MCTP1: variants seen among roughly 807,000 people sequenced by gnomAD.
The protein encoded by MCTP1 is multiple C2 and transmembrane domain-containing protein 1.
MCTP1 carries 69 observed loss-of-function variants against 120.6 expected under a neutral mutation model. That is an observed-to-expected ratio of 0.57 (90% CI 0.47 to 0.70). The LOEUF is 0.70. MCTP1 is among the 30% of genes least tolerant of loss of function. The pLI, the probability that MCTP1 is intolerant of heterozygous loss-of-function variation, is 0.00. For synonymous variants in MCTP1, 529 were observed against 493.1 expected, an observed-to-expected ratio of 1.07 and a Z score of -0.96; for missense variants, 1,203 against 1,248.8, an observed-to-expected ratio of 0.96 and a Z score of 0.55.
chr5:95,155,559 T>C lies in MCTP1; in HGVS notation c.720+128297A>G, dbSNP rs536211062. ...ACCTAATCCTTAAAAATGTTCCATT[T>C]TGAGCACCAAAATGAAGTCTGTAAC... On this transcript the variant is annotated intron_variant, in intron 1 of 22. Transcript: ENST00000515393. Among the ~76,000 whole-genome samples, 11 of 152,300 alleles carry C rather than the reference T, an allele frequency of 7.2e-5. No individual in the cohort carries two copies. The East Asian group carries it at 2.1e-3, about 29-fold the overall frequency.
intron 1 of MCTP1, among the ~76,000 whole-genome samples, chr5:95,087,461 A>G (rs1022215918): frequency 2.6e-5 from 4 of 152,180 alleles, no homozygotes; most frequent in Non-Finnish European, 4.4e-5. Flanking sequence ...CTTCCTTTAA[A>G]GGAGACAGTC....
chr5:94,913,279 C>T (rs1258638223), intron 8 of MCTP1, among the ~76,000 whole-genome samples: 1 of 151,934 alleles, frequency 6.6e-6, no homozygotes, highest in Non-Finnish European at 1.5e-5. Context: ...TGCATGTGTG[C>T]CAAATAGGCT....
Position 94,954,051 on chromosome 5 carries a change from T to G in MCTP1, c.839-690A>C, listed in dbSNP as rs559904386. Among the ~76,000 whole-genome samples the G allele has an allele frequency of 3.1e-5, 3 of 97,372 alleles. 1 individual carries two copies. In the East Asian group the frequency reaches 7.2e-4, roughly 23 times the overall value. The allele number at this position is 97,372 out of a possible 152,430, so 63.9% of individuals were successfully genotyped here. On this transcript the variant is annotated intron_variant, in intron 2 of 22. Transcript: ENST00000515393. ...ATATATACAAATATATATATGCATA[T>G]ATATACAAATATATATGCATATATA... is the stretch of plus-strand genomic sequence containing the variant.
intron 19 of MCTP1, among the ~76,000 whole-genome samples, chr5:94,723,909 GAA>G (rs1435461020): frequency 6.6e-6 from 1 of 151,816 alleles, no homozygotes; most frequent in Non-Finnish European, 1.5e-5. Context: ...AAAGAAGGAA[GAA>G]AAGAGAGAGA....
intron 2 of MCTP1, among the ~76,000 whole-genome samples, chr5:94,954,190 A>AT (rs1821947663): frequency 7.5e-6 from 1 of 134,082 alleles, no homozygotes; most frequent in Admixed American, 7.8e-5. Context: ...ATGCATATAT[A>AT]TATATATATA....
chr5:95,017,081 C>T (rs991455114), intron 2 of MCTP1, among the ~76,000 whole-genome samples: 5 of 152,044 alleles, frequency 3.3e-5, no homozygotes, highest in Non-Finnish European at 7.4e-5. Context: ...ACTTATGTAA[C>T]CAATTATGTC....
At chr5:94,887,928 T>A (rs1369657888) in intron 12 of MCTP1, among the ~76,000 whole-genome samples, 1 of 152,220 alleles carries the variant, frequency 6.6e-6, no homozygotes, top group Non-Finnish European at 1.5e-5. Flanking sequence ...TGATTTCAGG[T>A]CCTTGGATGG....
rs535672460 is a variant in MCTP1 at position 95,194,398 on chromosome 5, G to C, written c.720+89458C>G. Reference sequence around the variant, plus strand: ...ACTGCGTGGAAAAATTACCTGCCATGGTGAACGGGAAACTGAAACTGTATG... The same window carrying C: ...ACTGCGTGGAAAAATTACCTGCCATCGTGAACGGGAAACTGAAACTGTATG... On this transcript the variant is annotated intron_variant, in intron 1 of 22. Coordinates refer to ENST00000515393, the MANE Select transcript of MCTP1 (RefSeq NM_024717.7). Among the ~76,000 whole-genome samples the C allele has an allele frequency of 5.7e-4, 87 of 152,220 alleles. 2 individuals are homozygous for C. Among genetic ancestry groups the C allele is most frequent in the Admixed American group, 5.2e-4 (8 of 15,292 alleles).
At chr5:95,050,842 C>T (rs541903204) in intron 1 of MCTP1, among the ~76,000 whole-genome samples, 15 of 152,062 alleles carry the variant, frequency 9.9e-5, no homozygotes, top group Middle Eastern at 3.4e-3. Flanking sequence ...TGAGGTCATC[C>T]TAGGGTAGGA....
chr5:94,797,012 C>T (rs376585147), intron 18 of MCTP1, among the ~76,000 whole-genome samples: 6 of 151,538 alleles, frequency 4.0e-5, no homozygotes, highest in South Asian at 4.2e-4. Flanking sequence ...AAAAGAGGAG[C>T]GTGTTAGAGG....
intron 1 of MCTP1, among the ~76,000 whole-genome samples, chr5:95,244,487 T>C (rs550953271): frequency 3.9e-5 from 6 of 152,330 alleles, no homozygotes; most frequent in African/African-American, 1.4e-4. Context: ...AATACTGCTC[T>C]TTTCCCATGG....
intron 16 of MCTP1, 75 bp from the exon 17 acceptor site, chr5:94,868,527 C>T (rs1299451992): frequency 9.5e-7 from 1 of 1,052,172 alleles, no homozygotes; most frequent in African/African-American, 1.6e-5. Flanking sequence ...ATTCTTCAAG[C>T]TTATTGTGAC....
intron 1 of MCTP1, among the ~76,000 whole-genome samples, chr5:95,077,015 T>C (rs1753741832): frequency 1.3e-5 from 2 of 152,218 alleles, no homozygotes; most frequent in African/African-American, 4.8e-5. Flanking sequence ...CAGAATTTCC[T>C]AACTCAAGCC....
Position 94,912,829 on chromosome 5 carries a change from C to G in MCTP1, c.1498G>C (p.Gly500Arg), listed in dbSNP as rs759335783. The G allele has an allele frequency of 8.2e-6, 13 of 1,577,438 alleles. No individual in the cohort carries two copies. Among genetic ancestry groups the G allele is most frequent in the Non-Finnish European group, 1.1e-5 (13 of 1,163,346 alleles). ...LSDPYVKFRL[G>R]HQKYKSKIMP... ...ACCTTGCTCTTGTACTTCTGATGCC[C>G]AAGCCGGAACTTCACGTAGGGATCG... The change falls in exon 9 of 23, where the codon GGG becomes CGG. Residue 500 changes from glycine to arginine, a missense_variant. Physicochemically the swap from Gly to Arg is moderately radical, Grantham distance 125. Around this residue, in one of 2 missense-constraint regions of MCTP1, gnomAD observed 740 missense variants for 871.1 expected, o/e 0.85. Coordinates refer to ENST00000515393, the MANE Select transcript of MCTP1 (RefSeq NM_024717.7).
intron 18 of MCTP1, among the ~76,000 whole-genome samples, chr5:94,780,176 C>T (rs1014116939): frequency 6.6e-6 from 1 of 151,484 alleles, no homozygotes; most frequent in African/African-American, 2.4e-5. Context: ...TCTGAATAGA[C>T]TCAACAGAAT....
chr5:95,243,430 C>T (rs546615916), intron 1 of MCTP1, among the ~76,000 whole-genome samples: 6 of 152,208 alleles, frequency 3.9e-5, no homozygotes, highest in African/African-American at 7.2e-5. Context: ...AGAGTCATCA[C>T]GGAACCTGGG....
At chr5:95,119,183 C>T (rs768904986) in intron 1 of MCTP1, among the ~76,000 whole-genome samples, 7 of 152,166 alleles carry the variant, frequency 4.6e-5, no homozygotes, top group African/African-American at 7.2e-5. Flanking sequence ...TAACATCAAG[C>T]ATCTTCCCCG....
At chr5:95,036,409 T>A (rs1031211905) in intron 1 of MCTP1, among the ~76,000 whole-genome samples, 1 of 152,198 alleles carries the variant, frequency 6.6e-6, no homozygotes, top group African/African-American at 2.4e-5. Flanking sequence ...TCTATGGATT[T>A]ACGTCTACAA....
At chr5:94,963,354 A>ATT (rs754461255) in intron 2 of MCTP1, among the ~76,000 whole-genome samples, 25,435 of 136,500 alleles carry the variant, frequency 0.19, 2,266 homozygotes, top group South Asian at 0.26. Flanking sequence ...TTGTAATTCT[A>ATT]TTTTTTTTTT....
Sources: allele counts gnomAD v4.1 joint callset (sites outside exome capture counted in the v4.1 genomes callset), GRCh38; gene constraint gnomAD v4.1.1; regional missense constraint gnomAD v4.1.1; transcripts MANE v1.5; gene names NCBI Gene and HGNC (gene_info 2026-07-23, HGNC 2026-07-21).